MYH9: variants seen among roughly 807,000 people sequenced by gnomAD.
MYH9 encodes the protein myosin-9.
A neutral mutation model predicts 241.9 loss-of-function variants in MYH9; 29 were observed. That is an observed-to-expected ratio of 0.12 (90% CI 0.09 to 0.16). The LOEUF (loss-of-function observed/expected upper bound fraction) is 0.16, where lower values mean the gene tolerates loss of function less well. MYH9 is among the 10% of genes least tolerant of loss of function. The pLI is 1.00. For missense variants in MYH9, 1,803 were observed against 2,595.5 expected, an observed-to-expected ratio of 0.69 and a Z score of 6.63; for synonymous variants, 1,047 against 1,062.6, an observed-to-expected ratio of 0.99 and a Z score of 0.29.
Position 36,349,200 on chromosome 22 carries a change from C to A in MYH9, c.37G>T (p.Asp13Tyr), listed in dbSNP as rs776649398. The change falls in exon 2 of 41, where the codon GAT becomes TAT. Residue 13 changes from aspartate to tyrosine, a missense_variant. Physicochemically the swap from Asp to Tyr is radical, Grantham distance 160 (BLOSUM62 -3). This residue lies in a region of MYH9 where 75 missense variants were observed against 79.1 expected (regional missense o/e 0.95). Transcript: ENST00000216181. ...QQAADKYLYV[D>Y]KNFINNPLAQ... Reference sequence around the variant, plus strand: ...AGCGGATTGTTGATGAAGTTTTTATCCACATAGAGATACTTATCGGCAGCT... The same window carrying A: ...AGCGGATTGTTGATGAAGTTTTTATACACATAGAGATACTTATCGGCAGCT... 1 of 1,614,208 alleles carries A rather than the reference C, an allele frequency of 6.2e-7. No homozygotes were observed. Among genetic ancestry groups the A allele is most frequent in the Non-Finnish European group, 8.5e-7 (1 of 1,180,044 alleles).
In MYH9 at chr22:36,373,464, C is replaced by G. The variant is rs191924162; in HGVS notation, c.-20+14343G>C. Among the ~76,000 whole-genome samples, 8 of 152,346 alleles carry G rather than the reference C, an allele frequency of 5.3e-5. No homozygotes were observed. In the East Asian group the frequency reaches 1.2e-3, roughly 22 times the overall value. ...GGTTGAAGAGCTTCCTCCAAAAGCC[C>G]GGACAGATCTCCCAGCTCCCTTGTT... is the stretch of plus-strand genomic sequence containing the variant. On this transcript the variant is annotated intron_variant, in intron 1 of 40. Transcript: ENST00000216181.
intron 31 of MYH9, among the ~76,000 whole-genome samples, chr22:36,290,430 A>C (rs935035744): frequency 1.3e-5 from 2 of 152,162 alleles, no homozygotes; most frequent in Non-Finnish European, 2.9e-5. Flanking sequence ...ATGATAATTA[A>C]AGTGATTTTA....
At position 36,294,115 on chromosome 22, in the gene MYH9, C is replaced by T. The variant is rs562063811; in HGVS notation, c.3814G>A (p.Ala1272Thr). Residue 1272 changes from alanine to threonine, a missense_variant, in exon 28 of 41, where the codon GCC (alanine) becomes ACC (threonine). Physicochemically the swap from Ala to Thr is moderately conservative, Grantham distance 58. This residue lies in a region of MYH9 where 876 missense variants were observed against 1,077.8 expected (regional missense o/e 0.81). Transcript: ENST00000216181. ...NEGERVRTEL[A>T]DKVTKLQVEL... ...ACCTGCAGCTTGGTGACCTTGTCGG[C>T]CAGCTCTGTGCGCACGCGCTCTCCC... The T allele has an allele frequency of 6.2e-7, 1 of 1,610,288 alleles. No individual in the cohort carries two copies. The highest frequency in any genetic ancestry group is 8.5e-7 in the Non-Finnish European group (1 of 1,180,004).
At position 36,305,715 on chromosome 22, in the gene MYH9, G is replaced by A. The variant is rs919723056; in HGVS notation, c.2159+215C>T. On this transcript the variant is annotated intron_variant, in intron 17 of 40. Transcript: ENST00000216181. This position sits in a 1 kb window ranked among gnomAD's most constrained non-coding sequence, Gnocchi z 4.7. ...GAGCAAAAGTCAACAGGATGATGAT[G>A]ACCTGCATTTCGGTATTAAAATGGG... Among the ~76,000 whole-genome samples, 16 of 152,240 alleles carry A rather than the reference G, an allele frequency of 1.1e-4. No homozygotes were observed. The highest frequency in any genetic ancestry group is 3.9e-4 in the African/African-American group (16 of 41,458).
chr22:36,300,720 C>T lies in MYH9; in HGVS notation c.2838+131G>A. 3.0e-6 allele frequency: 3 copies of T among 1,003,004 alleles called. No individual in the cohort carries two copies. The highest frequency in any genetic ancestry group is 4.5e-6 in the Non-Finnish European group (3 of 660,098). The allele number at this position is 1,003,004 out of a possible 1,614,324, so 62.1% of individuals were successfully genotyped here. On this transcript the variant is annotated intron_variant, in intron 22 of 40. Coordinates refer to ENST00000216181, the MANE Select transcript of MYH9 (RefSeq NM_002473.6). The surrounding 1 kb of genome is among the most constrained non-coding windows in gnomAD (Gnocchi z 5.0). ...CAAAGGGAACACCTCTCACTGAGAGCCCCAAGCAGATTGCGTGAGGAGCAG... is the reference window on the plus strand; with the variant it reads ...CAAAGGGAACACCTCTCACTGAGAGTCCCAAGCAGATTGCGTGAGGAGCAG...
intron 7 of MYH9, 106 bp from the exon 8 acceptor site, chr22:36,321,002 G>C: frequency 1.2e-6 from 1 of 856,316 alleles, no homozygotes; most frequent in Non-Finnish European, 1.9e-6. Context: ...ACCCAGGTTG[G>C]AGTGCAGTGG....
In MYH9 at chr22:36,306,759, G is replaced by A. The variant is rs1279759770; in HGVS notation, c.1844-152C>T. 3 of 840,092 alleles carry A rather than the reference G, an allele frequency of 3.6e-6. No individual in the cohort carries two copies. Among genetic ancestry groups the A allele is most frequent in the East Asian group, 2.7e-5 (1 of 37,596 alleles). 52.0% of individuals were successfully genotyped at this position (840,092 alleles called of 1,614,324 possible). A position where few individuals can be genotyped will look rare whatever the true frequency, so the allele number is the denominator to read the frequency against. Reference sequence around the variant, plus strand: ...CCTTTCCAATTGGAGCCTACACTGGGTGCTAAGGTCATCCCCAAACACAGC... The same window carrying A: ...CCTTTCCAATTGGAGCCTACACTGGATGCTAAGGTCATCCCCAAACACAGC... On this transcript the variant is annotated intron_variant, in intron 15 of 40. Transcript: ENST00000216181. This position sits in a 1 kb window ranked among gnomAD's most constrained non-coding sequence, Gnocchi z 4.1.
chr22:36,308,521 G>A (rs1235924694), intron 15 of MYH9, among the ~76,000 whole-genome samples: 2 of 151,642 alleles, frequency 1.3e-5, no homozygotes, highest in Non-Finnish European at 2.9e-5. Flanking sequence ...CAATCCTCCC[G>A]CCTCAGCCTC....
chr22:36,285,131 T>G lies in MYH9; in HGVS notation c.5473A>C (p.Asn1825His). Residue 1825 changes from asparagine to histidine, a missense_variant, in exon 38 of 41, where the codon AAC (asparagine) becomes CAC (histidine). This residue lies in a region of MYH9 where 876 missense variants were observed against 1,077.8 expected (regional missense o/e 0.81). Transcript: ENST00000216181. This position sits in a 1 kb window ranked among gnomAD's most constrained non-coding sequence, Gnocchi z 7.0. ...GCCAGGGGCACGTACTTGGTCTCGT[T>G]GTCCAGCTGCTCCTCCAGCTGTGCA... Reference protein sequence around the residue: ...KIAQLEEQLDNETKERQAACK... With the variant: ...KIAQLEEQLDHETKERQAACK... 1.9e-6 allele frequency: 3 copies of G among 1,613,984 alleles called. No homozygotes were observed. Among genetic ancestry groups the G allele is most frequent in the Non-Finnish European group, 2.5e-6 (3 of 1,180,006 alleles).
At chr22:36,290,738 T>C (rs967956159) in intron 31 of MYH9, among the ~76,000 whole-genome samples, 1 of 149,920 alleles carries the variant, frequency 6.7e-6, no homozygotes, top group Admixed American at 6.6e-5. Context: ...ATCTAGGAAG[T>C]GAGGAGCGTC....
Position 36,292,109 on chromosome 22 carries a change from G to A in MYH9, c.4221C>T (p.Ala1407=). Residue 1407 remains alanine, a synonymous_variant, in exon 31 of 41, where the codon GCC becomes GCT. Coordinates refer to ENST00000216181, the MANE Select transcript of MYH9 (RefSeq NM_002473.6). ...LSQRHEEKVA[A]YDKLEKTKTR... ...TCTTGGTCTTCTCCAGCTTGTCGTAGGCGGCCACCTTCTCCTCGTGCCGCT... is the reference window on the plus strand; with the variant it reads ...TCTTGGTCTTCTCCAGCTTGTCGTAAGCGGCCACCTTCTCCTCGTGCCGCT... 1 of 1,614,162 alleles carries A rather than the reference G, an allele frequency of 6.2e-7. No homozygotes were observed. The highest frequency in any genetic ancestry group is 8.5e-7 in the Non-Finnish European group (1 of 1,180,044).
rs1364999331 is a variant in MYH9 at position 36,346,280 on chromosome 22, C to T, written c.333+2624G>A. Among the ~76,000 whole-genome samples, 5 of 152,300 alleles carry T rather than the reference C, an allele frequency of 3.3e-5. No homozygotes were observed. In the East Asian group the frequency reaches 5.8e-4, roughly 18 times the overall value. On this transcript the variant is annotated intron_variant, in intron 2 of 40. Coordinates refer to ENST00000216181, the MANE Select transcript of MYH9 (RefSeq NM_002473.6). ...CATCGATGGCAGAAAACAAAGACCT[C>T]GTTGTCACAGACTGATTTAGCAATC...
intron 27 of MYH9, among the ~76,000 whole-genome samples, chr22:36,294,703 G>A (rs1229079650): frequency 1.3e-5 from 2 of 152,228 alleles, no homozygotes; most frequent in African/African-American, 2.4e-5. Flanking sequence ...TCAAAGTAAC[G>A]ATGTAATGTT....
rs746846328 is a variant in MYH9 at position 36,288,766 on chromosome 22, G to A, written c.4731C>T (p.Asp1577=). The change falls in exon 33 of 41, where the codon GAC becomes GAT. Residue 1577 remains aspartate, a synonymous_variant. Coordinates refer to ENST00000216181, the MANE Select transcript of MYH9 (RefSeq NM_002473.6). This position sits in a 1 kb window ranked among gnomAD's most constrained non-coding sequence, Gnocchi z 4.8. ...GCTTCTTCTTCTCCTCGCTCTGCTCGTCCCGGCCCTGCAGGTCCCGCTCGA... is the reference window on the plus strand; with the variant it reads ...GCTTCTTCTTCTCCTCGCTCTGCTCATCCCGGCCCTGCAGGTCCCGCTCGA... ...AQFERDLQGR[D]EQSEEKKKQL... The A allele has an allele frequency of 3.5e-5, 56 of 1,609,054 alleles. No homozygotes were observed. The African/African-American group carries it at 5.1e-4, about 15-fold the overall frequency.
rs932817816 is a variant in MYH9 at position 36,294,924 on chromosome 22, C to G, written c.3630+8G>C. The G allele has an allele frequency of 6.2e-7, 1 of 1,612,012 alleles. No homozygotes were observed. The highest frequency in any genetic ancestry group is 8.5e-7 in the Non-Finnish European group (1 of 1,180,040). On this transcript the variant is annotated splice_region_variant and intron_variant, in intron 27 of 40. Transcript: ENST00000216181. ...CCCTCCCCCTGCGGTCTCAGGGAGG[C>G]TCCGCACCCGCTTCGTCTGCTCCAG...
rs1181341150 is a variant in MYH9 at position 36,330,592 on chromosome 22, G to A, written c.491-3104C>T. ...GGTTAGAATTCTTAGCAACCAGTGG[G>A]CTCTTTGGCCTACTCAGTTTACTCT... On this transcript the variant is annotated intron_variant, in intron 3 of 40. Coordinates refer to ENST00000216181, the MANE Select transcript of MYH9 (RefSeq NM_002473.6). This position sits in a 1 kb window ranked among gnomAD's most constrained non-coding sequence, Gnocchi z 4.5. Among the ~76,000 whole-genome samples, 1 of 152,106 alleles carries A rather than the reference G, an allele frequency of 6.6e-6. No individual in the cohort carries two copies. Among genetic ancestry groups the A allele is most frequent in the Non-Finnish European group, 1.5e-5 (1 of 68,014 alleles).
At chr22:36,356,898 A>G (rs2017865667) in intron 1 of MYH9, among the ~76,000 whole-genome samples, 1 of 152,258 alleles carries the variant, frequency 6.6e-6, no homozygotes, top group African/African-American at 2.4e-5. Context: ...AGCACCCGCT[A>G]GACAGATCTG....
At chr22:36,345,005 T>C (rs534060406) in intron 2 of MYH9, among the ~76,000 whole-genome samples, 3 of 152,348 alleles carry the variant, frequency 2.0e-5, no homozygotes, top group African/African-American at 4.8e-5. Context: ...AGGTGCTGGC[T>C]GGGTACTTTA....
At chr22:36,333,114 T>C (rs941462480) in intron 3 of MYH9, among the ~76,000 whole-genome samples, 1 of 152,212 alleles carries the variant, frequency 6.6e-6, no homozygotes, top group Non-Finnish European at 1.5e-5. Context: ...ACAGGGAGCA[T>C]GGCAGACACA....
Sources: allele counts gnomAD v4.1 joint callset (sites outside exome capture counted in the v4.1 genomes callset), GRCh38; gene constraint gnomAD v4.1.1; regional missense constraint gnomAD v4.1.1; non-coding constraint Gnocchi (gnomAD v3.1); transcripts MANE v1.5; gene names NCBI Gene and HGNC (gene_info 2026-07-23, HGNC 2026-07-21).